The following DMTF1 variants were observed in gnomAD, a reference collection of about 807,000 sequenced individuals.
The protein encoded by DMTF1 is cyclin-D-binding Myb-like transcription factor 1.
A neutral mutation model predicts 91.1 loss-of-function variants in DMTF1; 39 were observed. The observed-to-expected ratio is 0.43, with a 90% confidence interval of 0.33 to 0.56. The LOEUF (loss-of-function observed/expected upper bound fraction) is 0.56. DMTF1 is among the 20% of genes least tolerant of loss of function. The pLI is 0.05. For missense variants in DMTF1, 750 were observed against 914.5 expected (o/e 0.82, Z 2.32); for synonymous variants, 338 against 309.5 (o/e 1.09, Z -0.97).
intron 1 of DMTF1, among the ~76,000 whole-genome samples, chr7:87,160,355 A>G (rs966314468): frequency 3.3e-5 from 5 of 151,534 alleles, no homozygotes; most frequent in Admixed American, 1.3e-4. Flanking sequence ...GCTCACTGCA[A>G]CTTCCGCCTC....
intron 7 of DMTF1, among the ~76,000 whole-genome samples, chr7:87,177,471 T>C (rs1222715410): frequency 1.3e-5 from 2 of 152,194 alleles, no homozygotes; most frequent in Non-Finnish European, 2.9e-5. Flanking sequence ...TAACTTAGAC[T>C]TTCTTAATGT....
intron 1 of DMTF1, among the ~76,000 whole-genome samples, chr7:87,157,911 T>C (rs1270943762): frequency 6.6e-6 from 1 of 152,010 alleles, no homozygotes; most frequent in East Asian, 1.9e-4. Flanking sequence ...AAACCTGCAA[T>C]TGTATAATTG....
At position 87,195,224 on chromosome 7, in the gene DMTF1, A is replaced by G. The variant is rs1801011550; in HGVS notation, c.*84A>G. ...TTCAAAGAAATAGGAGCAACCCCCA[A>G]GAGGCTTAATTTACCAATTTAAATA... On this transcript the variant is annotated 3_prime_UTR_variant, in exon 18 of 18. Transcript: ENST00000331242. The G allele has an allele frequency of 1.9e-5, 18 of 954,880 alleles. No homozygotes were observed. The South Asian group carries it at 2.7e-4, about 14-fold the overall frequency. 59.2% of individuals were successfully genotyped at this position (954,880 alleles called of 1,614,324 possible). A position where few individuals can be genotyped will look rare whatever the true frequency, so the allele number is the denominator to read the frequency against.
At chr7:87,185,494 A>G in intron 11 of DMTF1, among the ~76,000 whole-genome samples, 1 of 152,220 alleles carries the variant, frequency 6.6e-6, no homozygotes, top group Non-Finnish European at 1.5e-5. Context: ...ATGCCACACT[A>G]TGAAACATTG....
chr7:87,167,123 C>T (rs186593621), intron 4 of DMTF1, among the ~76,000 whole-genome samples: 2 of 152,296 alleles, frequency 1.3e-5, no homozygotes, highest in Non-Finnish European at 2.9e-5. Flanking sequence ...AAGAGCATAT[C>T]TAGGCATTCT....
intron 3 of DMTF1, among the ~76,000 whole-genome samples, chr7:87,165,484 G>T (rs142135656): frequency 2.0e-5 from 3 of 152,114 alleles, no homozygotes; most frequent in Admixed American, 2.0e-4. Context: ...GTTACTCCCC[G>T]ACTTGCTCAT....
intron 1 of DMTF1, 189 bp from the exon 2 acceptor site, chr7:87,163,306 G>T (rs1335974590): frequency 2.0e-5 from 3 of 148,952 alleles, no homozygotes; most frequent in African/African-American, 2.5e-5. Flanking sequence ...CATCATTTCT[G>T]TCCTTCATTG....
intron 7 of DMTF1, 131 bp from the exon 8 acceptor site, chr7:87,179,414 A>G: frequency 1.6e-6 from 1 of 621,716 alleles, no homozygotes. Context: ...TGATTTATTA[A>G]TGAATTAGTG....
At chr7:87,171,111 G>C in intron 5 of DMTF1, 22 bp downstream of exon 5, 1 of 1,476,774 alleles carries the variant, frequency 6.8e-7, no homozygotes, top group South Asian at 1.2e-5. Context: ...CTTTTAACTG[G>C]CCTCAGGAGG....
In DMTF1 at chr7:87,184,515, C is replaced by A. The variant is rs11974238; in HGVS notation, c.939C>A (p.Val313=). The change falls in exon 11 of 18, where the codon GTC becomes GTA. Residue 313 remains valine (V), a synonymous_variant. Transcript: ENST00000331242. ...GVSWAAVAER[V]GTRSEKQCRS... is the part of the protein sequence containing the mutation. ...CTTGGGCAGCTGTGGCTGAACGAGT[C>A]GGTACCCGCTCAGAAAAGCAATGTC... 3 of 1,613,884 alleles carry A rather than the reference C, an allele frequency of 1.9e-6. No individual in the cohort carries two copies. The highest frequency in any genetic ancestry group is 2.5e-6 in the Non-Finnish European group (3 of 1,179,938).
intron 7 of DMTF1, among the ~76,000 whole-genome samples, chr7:87,175,657 A>G (rs73206968): frequency 0.026 from 3,963 of 152,292 alleles, 79 homozygotes; most frequent in East Asian, 0.064. Flanking sequence ...AAATTTTGGT[A>G]GAGAAAGGAT....
intron 10 of DMTF1, among the ~76,000 whole-genome samples, chr7:87,182,785 G>A (rs1797639831): frequency 6.6e-6 from 1 of 152,168 alleles, no homozygotes; most frequent in East Asian, 1.9e-4. Context: ...CCAAAGATTT[G>A]TAAATATTTT....
intron 1 of DMTF1, among the ~76,000 whole-genome samples, chr7:87,157,172 A>G (rs1271382124): frequency 1.3e-5 from 2 of 152,182 alleles, no homozygotes; most frequent in Admixed American, 6.5e-5. Context: ...GATCTATGCC[A>G]GAGACTGTTT....
At position 87,194,097 on chromosome 7, in the gene DMTF1, A is replaced by T; in HGVS notation, c.2023A>T (p.Thr675Ser). ...SPSDLASAYV[T>S]EGLESPTIEE... ...CTCTGATTTAGCCAGTGCTTATGTTACTGAGGTAAGTTGTACTTTAAGAAC... is the reference window on the plus strand; with the variant it reads ...CTCTGATTTAGCCAGTGCTTATGTTTCTGAGGTAAGTTGTACTTTAAGAAC... The change falls in exon 16 of 18, where the codon ACT becomes TCT. Residue 675 changes from threonine to serine, a missense_variant. Thr to Ser is a moderately conservative substitution (Grantham distance 58, BLOSUM62 1). This residue lies in a region of DMTF1 where 410 missense variants were observed against 420.2 expected (regional missense o/e 0.98). Transcript: ENST00000331242. The T allele has an allele frequency of 6.3e-7, 1 of 1,579,958 alleles. No individual in the cohort carries two copies. Among genetic ancestry groups the T allele is most frequent in the Non-Finnish European group, 8.6e-7 (1 of 1,163,640 alleles).
chr7:87,173,592 G>T lies in DMTF1; in HGVS notation c.385G>T (p.Ala129Ser). The change falls in exon 6 of 18, where the codon GCA becomes TCA. Residue 129 changes from alanine to serine, a missense_variant. By Grantham distance (99) the Ala-to-Ser change is moderately conservative (BLOSUM62 1). This residue lies in a region of DMTF1 where 150 missense variants were observed against 150.4 expected (regional missense o/e 1.00). Coordinates refer to ENST00000331242, the MANE Select transcript of DMTF1 (RefSeq NM_001142327.2). ...ISPLGNEEVS[A>S]VSQAWFTTKE... is the part of the protein sequence containing the mutation. The stretch of plus-strand genomic sequence containing the variant: ...TCCCTTGGGTAACGAGGAAGTTTCA[G>T]CAGTTAGCCAAGCATGGTTTACAAC... 6.2e-7 allele frequency: 1 copy of T among 1,611,142 alleles called. No homozygotes were observed. The highest frequency in any genetic ancestry group is 8.5e-7 in the Non-Finnish European group (1 of 1,178,606).
At chr7:87,160,276 CTTTTT>C (rs753441691) in intron 1 of DMTF1, among the ~76,000 whole-genome samples, 3 of 134,682 alleles carry the variant, frequency 2.2e-5, no homozygotes, top group African/African-American at 5.4e-5. Context: ...TTTGTCATTT[CTTTTT>C]TTTTTTTTTT....
chr7:87,194,825 A>G lies in DMTF1; in HGVS notation c.2170A>G (p.Thr724Ala). The G allele has an allele frequency of 6.2e-7, 1 of 1,609,070 alleles. No homozygotes were observed. The highest frequency in any genetic ancestry group is 8.5e-7 in the Non-Finnish European group (1 of 1,177,714). ...ATCTGTCTTGCCTTTGACAACACTA[A>G]CAGGTACTGTAATATAATACTTACT... is the stretch of plus-strand genomic sequence containing the variant. Reference protein sequence around the residue: ...TESVLPLTTLTDPILQHHQEE... With the variant: ...TESVLPLTTLADPILQHHQEE... Residue 724 changes from threonine (T) to alanine (A), a missense_variant, in exon 17 of 18, where the codon ACA becomes GCA. By Grantham distance (58) the Thr-to-Ala change is moderately conservative. Transcript: ENST00000331242.
At chr7:87,160,505 C>G (rs1348068208) in intron 1 of DMTF1, among the ~76,000 whole-genome samples, 1 of 151,862 alleles carries the variant, frequency 6.6e-6, no homozygotes, top group Non-Finnish European at 1.5e-5. Context: ...GAACTCCTGA[C>G]CTCAGGTGAT....
In DMTF1 at chr7:87,171,789, A is replaced by G. The variant is rs114329179; in HGVS notation, c.327+700A>G. 3.3e-3 allele frequency among the ~76,000 whole-genome samples: 497 copies of G among 152,314 alleles called. 3 individuals carry two copies. Among genetic ancestry groups the G allele is most frequent in the African/African-American group, 0.011 (465 of 41,558 alleles). ...AATACTCTAAGACTGATTAATATTT[A>G]TATGTCATACATAGATAGGTACCCT... On this transcript the variant is annotated intron_variant, in intron 5 of 17. Coordinates refer to ENST00000331242, the MANE Select transcript of DMTF1 (RefSeq NM_001142327.2).
Sources: gnomAD v4.1 joint callset for allele counts (sites outside exome capture counted in the v4.1 genomes callset) on GRCh38, gnomAD v4.1.1 for gene constraint, gnomAD v4.1.1 regional missense constraint, MANE v1.5 for transcripts, NCBI Gene and HGNC (gene_info 2026-07-23, HGNC 2026-07-21) for gene names.